The following DDAH1 variants were observed in gnomAD, a reference collection of about 807,000 sequenced individuals.
The protein encoded by DDAH1 is N(G),N(G)-dimethylarginine dimethylaminohydrolase 1.
In DDAH1, 19 loss-of-function variants were observed where a neutral mutation model predicts 28.8. The ratio of observed to expected loss-of-function variants is 0.66; its 90% CI spans 0.46 to 0.97. The LOEUF (loss-of-function observed/expected upper bound fraction) is 0.97, where lower values mean the gene tolerates loss of function less well. DDAH1 is among the 50% of genes least tolerant of loss of function. DDAH1 has a pLI of 0.00. For missense variants in DDAH1, 326 were observed against 375.9 expected, an observed-to-expected ratio of 0.87 and a Z score of 1.10; for synonymous variants, 153 against 154.4, an observed-to-expected ratio of 0.99 and a Z score of 0.07.
intron 1 of DDAH1, among the ~76,000 whole-genome samples, chr1:85,512,691 T>A (rs1657290396): frequency 6.6e-6 from 1 of 152,094 alleles, no homozygotes; most frequent in African/African-American, 2.4e-5. Context: ...TCACAAGCAT[T>A]CCTATACACC....
intron 1 of DDAH1, among the ~76,000 whole-genome samples, chr1:85,508,884 C>A (rs1051107453): frequency 6.6e-6 from 1 of 152,230 alleles, no homozygotes; most frequent in African/African-American, 2.4e-5. Flanking sequence ...CCACCTCTGC[C>A]GGCACGGCAT....
intron 2 of DDAH1, among the ~76,000 whole-genome samples, chr1:85,484,402 G>A (rs760781333): frequency 1.6e-4 from 25 of 152,064 alleles, no homozygotes; most frequent in Non-Finnish European, 2.9e-4. Context: ...TGACAGATAA[G>A]CGGTTTTAGG....
At chr1:85,361,302 C>A (rs1420943536) in intron 1 of DDAH1, among the ~76,000 whole-genome samples, 1 of 152,136 alleles carries the variant, frequency 6.6e-6, no homozygotes, top group Non-Finnish European at 1.5e-5. Context: ...AGGAAAAGAT[C>A]CAAACCATGA....
At chr1:85,370,659 G>T (rs1261908133) in intron 1 of DDAH1, among the ~76,000 whole-genome samples, 1 of 152,182 alleles carries the variant, frequency 6.6e-6, no homozygotes, top group African/African-American at 2.4e-5. Flanking sequence ...AGAAAGTGCT[G>T]AATTTGGAAT....
intron 3 of DDAH1, among the ~76,000 whole-genome samples, chr1:85,350,800 T>C (rs1055191820): frequency 1.3e-5 from 2 of 152,144 alleles, no homozygotes; most frequent in Non-Finnish European, 2.9e-5. Flanking sequence ...GAGGGTGTAT[T>C]TGAATATCCT....
At chr1:85,432,159 G>A (rs1433227417) in intron 1 of DDAH1, among the ~76,000 whole-genome samples, 1 of 152,174 alleles carries the variant, frequency 6.6e-6, no homozygotes, top group Non-Finnish European at 1.5e-5. Flanking sequence ...CCTAGACTGT[G>A]ACCTCCTGTT....
chr1:85,501,278 G>A (rs1262988028), intron 1 of DDAH1, among the ~76,000 whole-genome samples: 2 of 152,042 alleles, frequency 1.3e-5, no homozygotes, highest in African/African-American at 4.8e-5. Flanking sequence ...TTGAGTCCAG[G>A]GCTAGAGTAG....
At position 85,380,749 on chromosome 1, in the gene DDAH1, T is replaced by C. The variant is rs144250481; in HGVS notation, c.304-21902A>G. ...TGATATGAAAGTTTTAGACTTTATA[T>C]CATCTAGAATGAACATTCCTAGGTT... On this transcript the variant is annotated intron_variant, in intron 1 of 5. Transcript: ENST00000284031. Among the ~76,000 whole-genome samples, 157 of 152,314 alleles carry C rather than the reference T, an allele frequency of 1.0e-3. 1 individual carries two copies. Among genetic ancestry groups the C allele is most frequent in the African/African-American group, 3.4e-3 (143 of 41,578 alleles).
intron 1 of DDAH1, among the ~76,000 whole-genome samples, chr1:85,454,128 C>A (rs573815669): frequency 6.6e-6 from 1 of 152,158 alleles, no homozygotes; most frequent in Non-Finnish European, 1.5e-5. Context: ...TTCCCCTCCC[C>A]GCCTCTGAAA....
At chr1:85,492,399 A>T (rs886298883) in intron 2 of DDAH1, among the ~76,000 whole-genome samples, 3 of 152,230 alleles carry the variant, frequency 2.0e-5, no homozygotes, top group Non-Finnish European at 4.4e-5. Context: ...ATAGAAAAAA[A>T]TAAATGCAGA....
intron 1 of DDAH1, among the ~76,000 whole-genome samples, chr1:85,536,399 A>G (rs1658278664): frequency 2.0e-5 from 3 of 151,514 alleles, no homozygotes; most frequent in Non-Finnish European, 4.4e-5. Context: ...CTAAATATAC[A>G]AAAATTAGCT....
rs556764213 is a variant in DDAH1, at chr1:85,476,931, A to G, written c.-7+19235T>C. On this transcript the variant is annotated intron_variant, in intron 2 of 6. Transcript: ENST00000426972. ...TCACTGACTAGTAGTAGGTGCTAAT[A>G]CTGTCTAGCAGAGAGACAGCTATGA... Among the ~76,000 whole-genome samples, 124 of 152,318 alleles carry G rather than the reference A, an allele frequency of 8.1e-4. 1 individual carries two copies. The highest frequency in any genetic ancestry group is 1.3e-3 in the Non-Finnish European group (88 of 68,018).
intron 1 of DDAH1, among the ~76,000 whole-genome samples, chr1:85,375,146 G>T (rs1650594858): frequency 6.6e-6 from 1 of 152,246 alleles, no homozygotes; most frequent in South Asian, 2.1e-4. Context: ...ATATTTAGCT[G>T]CCAAAAAGAA....
At chr1:85,537,323 G>C (rs1210728498) in intron 1 of DDAH1, among the ~76,000 whole-genome samples, 1 of 151,426 alleles carries the variant, frequency 6.6e-6, no homozygotes. Context: ...GACAGAGTGA[G>C]GACCTGTCTC....
intron 1 of DDAH1, among the ~76,000 whole-genome samples, chr1:85,570,870 T>G (rs1659434656): frequency 6.6e-6 from 1 of 150,574 alleles, no homozygotes; most frequent in African/African-American, 2.4e-5. Context: ...GGCGAAGTGG[T>G]GGTAACAAAA....
chr1:85,408,502 A>G (rs778305445), intron 1 of DDAH1, among the ~76,000 whole-genome samples: 3 of 152,154 alleles, frequency 2.0e-5, no homozygotes, highest in Non-Finnish European at 2.9e-5. Flanking sequence ...ATATTGTTCT[A>G]TAACTTACTT....
intron 1 of DDAH1, among the ~76,000 whole-genome samples, chr1:85,569,300 T>C (rs1659388305): frequency 6.6e-6 from 1 of 152,226 alleles, no homozygotes; most frequent in Admixed American, 6.5e-5. Flanking sequence ...CCCATTCTTT[T>C]CCCATGATGT....
chr1:85,448,773 C>T (rs12024508), intron 1 of DDAH1, among the ~76,000 whole-genome samples: 2,562 of 152,232 alleles, frequency 0.017, 76 homozygotes, highest in East Asian at 0.12. Context: ...ACAGTTTTGA[C>T]AATTGAGAAA....
At chr1:85,331,375 C>T (rs1170471072) in intron 4 of DDAH1, among the ~76,000 whole-genome samples, 1 of 151,622 alleles carries the variant, frequency 6.6e-6, no homozygotes, top group Non-Finnish European at 1.5e-5. Context: ...AGGGAATATT[C>T]AAAGCACATT....
Sources: allele counts gnomAD v4.1 joint callset (sites outside exome capture counted in the v4.1 genomes callset), GRCh38; gene constraint gnomAD v4.1.1; transcripts MANE v1.5; gene names NCBI Gene and HGNC (gene_info 2026-07-23, HGNC 2026-07-21).